PKIB: variants seen among roughly 807,000 people sequenced by gnomAD.
PKIB encodes cAMP-dependent protein kinase inhibitor beta, also known as PKI-beta.
PKIB carries 2 observed loss-of-function variants against 4.5 expected under a neutral mutation model. The ratio of observed to expected loss-of-function variants is 0.44; its 90% confidence interval spans 0.18 to 1.39. PKIB has a LOEUF of 1.39. Ranked by LOEUF, PKIB falls within the 40% of genes most tolerant of loss-of-function variation. The pLI is 0.27. For missense variants in PKIB, 94 were observed against 92.6 expected, an observed-to-expected ratio of 1.02 and a Z score of -0.06; for synonymous variants, 38 against 36.0, an observed-to-expected ratio of 1.06 and a Z score of -0.20.
intron 3 of PKIB, among the ~76,000 whole-genome samples, chr6:122,687,147 G>C (rs1353033912): frequency 7.9e-5 from 12 of 152,108 alleles, no homozygotes; most frequent in Non-Finnish European, 1.5e-4. Flanking sequence ...TTTTGTGTAT[G>C]GCAAGAGACA....
chr6:122,515,548 A>G (rs956133751), intron 2 of PKIB, among the ~76,000 whole-genome samples: 44 of 152,192 alleles, frequency 2.9e-4, no homozygotes, highest in African/African-American at 9.7e-4. Context: ...AGAACAAAGC[A>G]TTTATTAAGA....
At chr6:122,632,562 G>T (rs1775744346) in intron 1 of PKIB, among the ~76,000 whole-genome samples, 1 of 152,102 alleles carries the variant, frequency 6.6e-6, no homozygotes. Context: ...TTTAAATGGG[G>T]ACTTTTTTAC....
intron 3 of PKIB, among the ~76,000 whole-genome samples, chr6:122,676,246 G>A (rs1011802842): frequency 1.3e-5 from 2 of 151,770 alleles, no homozygotes; most frequent in Admixed American, 6.6e-5. Flanking sequence ...TTCACAGTAG[G>A]GCTTATGCTC....
intron 2 of PKIB, among the ~76,000 whole-genome samples, chr6:122,665,290 T>A (rs896658891): frequency 6.6e-5 from 10 of 152,196 alleles, no homozygotes; most frequent in African/African-American, 2.4e-4. Context: ...TTTGAGAGAT[T>A]GTTCTTGCAG....
intron 2 of PKIB, among the ~76,000 whole-genome samples, chr6:122,533,066 T>A (rs922138051): frequency 6.6e-6 from 1 of 152,122 alleles, no homozygotes; most frequent in Non-Finnish European, 1.5e-5. Flanking sequence ...TATATTTGGG[T>A]ATTAACACTG....
chr6:122,717,674 G>T, intron 3 of PKIB, 113 bp from the exon 4 acceptor site: 1 of 1,004,260 alleles, frequency 1.0e-6, no homozygotes, highest in Non-Finnish European at 1.5e-6. Flanking sequence ...TGTGATCAAT[G>T]ATTAGACTCT....
intron 1 of PKIB, among the ~76,000 whole-genome samples, chr6:122,625,236 C>A (rs149490620): frequency 2.6e-5 from 4 of 152,142 alleles, no homozygotes; most frequent in Non-Finnish European, 5.9e-5. Flanking sequence ...TCTAATTCTT[C>A]GTCATTTTTA....
chr6:122,685,709 A>C (rs1778066035), intron 3 of PKIB, among the ~76,000 whole-genome samples: 1 of 152,136 alleles, frequency 6.6e-6, no homozygotes. Context: ...ATTATTGACT[A>C]TAGTCATCCT....
At chr6:122,652,319 T>C (rs1206529493) in intron 2 of PKIB, among the ~76,000 whole-genome samples, 1 of 120,248 alleles carries the variant, frequency 8.3e-6, no homozygotes, top group Non-Finnish European at 1.7e-5. Flanking sequence ...TGTGTGTGTG[T>C]GTGTGTGTGT....
chr6:122,522,505 G>A (rs796496806), intron 2 of PKIB, among the ~76,000 whole-genome samples: 26 of 152,202 alleles, frequency 1.7e-4, no homozygotes, highest in African/African-American at 6.3e-4. Flanking sequence ...CTCAGTGTCT[G>A]CCCAAACAGC....
At chr6:122,718,969 G>A (rs972511297) in intron 4 of PKIB, among the ~76,000 whole-genome samples, 4 of 151,890 alleles carry the variant, frequency 2.6e-5, no homozygotes, top group Non-Finnish European at 2.9e-5. Context: ...ACACATCAAC[G>A]TAAAATATTA....
intron 3 of PKIB, chr6:122,701,162 G>A (rs956828262): frequency 3.2e-6 from 1 of 308,620 alleles, no homozygotes; most frequent in Non-Finnish European, 6.1e-6. Flanking sequence ...GAGGAGACCA[G>A]AAAGGTCACT....
intron 2 of PKIB, among the ~76,000 whole-genome samples, chr6:122,648,551 TAG>T (rs756077093): frequency 2.6e-5 from 4 of 152,318 alleles, no homozygotes; most frequent in Non-Finnish European, 5.9e-5. Flanking sequence ...ATCAGTGAAT[TAG>T]AGTTTCTTTG....
chr6:122,615,119 A>G (rs975551705), intron 1 of PKIB, among the ~76,000 whole-genome samples: 4 of 152,178 alleles, frequency 2.6e-5, no homozygotes, highest in Admixed American at 1.3e-4. Flanking sequence ...TTTCAGTTCC[A>G]TCATCCTTGA....
chr6:122,666,551 A>G (rs1287901212), intron 2 of PKIB, among the ~76,000 whole-genome samples: 2 of 152,170 alleles, frequency 1.3e-5, no homozygotes, highest in Non-Finnish European at 2.9e-5. Context: ...ACGCAATATG[A>G]CAACACATCT....
At chr6:122,623,535 G>T (rs1270640359) in intron 1 of PKIB, among the ~76,000 whole-genome samples, 1 of 152,006 alleles carries the variant, frequency 6.6e-6, no homozygotes, top group East Asian at 1.9e-4. Context: ...TCTGGCCTTG[G>T]GCTGTAACTG....
intron 3 of PKIB, among the ~76,000 whole-genome samples, chr6:122,691,606 ATT>A: frequency 1.3e-5 from 2 of 150,106 alleles, no homozygotes; most frequent in Non-Finnish European, 1.5e-5. Flanking sequence ...TGTTATCTTG[ATT>A]TTTTTTTTAA....
chr6:122,623,390 A>G (rs1166742547), intron 1 of PKIB, among the ~76,000 whole-genome samples: 1 of 152,256 alleles, frequency 6.6e-6, no homozygotes, highest in Non-Finnish European at 1.5e-5. Context: ...AGATCAAGAC[A>G]TAACATCATC....
intron 2 of PKIB, among the ~76,000 whole-genome samples, chr6:122,573,292 T>C (rs1449027937): frequency 2.0e-5 from 3 of 152,010 alleles, no homozygotes; most frequent in Admixed American, 2.0e-4. Flanking sequence ...CAGTGGCTCA[T>C]GCCTGTGATC....
Sources: gnomAD v4.1 joint callset for allele counts (sites outside exome capture counted in the v4.1 genomes callset) on GRCh38, gnomAD v4.1.1 for gene constraint, MANE v1.5 for transcripts, NCBI Gene and HGNC (gene_info 2026-07-23, HGNC 2026-07-21) for gene names.